Variants in SDK1 observed in about 807,000 individuals in gnomAD.
SDK1 encodes sidekick cell adhesion molecule 1.
SDK1 carries 157 observed loss-of-function variants against 245.5 expected under a neutral mutation model. The ratio of observed to expected loss-of-function variants is 0.64; its 90% CI spans 0.56 to 0.73. SDK1 has a LOEUF of 0.73. Ranked by LOEUF, SDK1 falls within the 30% of genes least tolerant of loss-of-function variation. The pLI, the probability that SDK1 is intolerant of heterozygous loss-of-function variation, is 0.00. For missense variants in SDK1, 3,583 were observed against 3,002.3 expected, an observed-to-expected ratio of 1.19 and a Z score of -4.52; for synonymous variants, 1,647 against 1,278.5, an observed-to-expected ratio of 1.29 and a Z score of -6.15.
chr7:3,457,596 T>C (rs1780711005), intron 1 of SDK1, among the ~76,000 whole-genome samples: 1 of 152,222 alleles, frequency 6.6e-6, no homozygotes, highest in African/African-American at 2.4e-5. Flanking sequence ...TCTATGTATT[T>C]ATGATTAGCT....
At chr7:3,307,517 A>G (rs1486507710) in intron 1 of SDK1, among the ~76,000 whole-genome samples, 1 of 152,190 alleles carries the variant, frequency 6.6e-6, no homozygotes, top group Admixed American at 6.5e-5. Context: ...TACAAAAATC[A>G]TGATTATTAT....
At chr7:4,195,310 G>A (rs1220474515) in intron 35 of SDK1, among the ~76,000 whole-genome samples, 1 of 152,158 alleles carries the variant, frequency 6.6e-6, no homozygotes, top group Non-Finnish European at 1.5e-5. Context: ...GTGGGTGCTC[G>A]CGTCCCCGGT....
intron 1 of SDK1, among the ~76,000 whole-genome samples, chr7:3,550,017 A>G (rs1384233617): frequency 1.3e-5 from 2 of 152,210 alleles, no homozygotes; most frequent in Non-Finnish European, 2.9e-5. Flanking sequence ...CCTATTAAAC[A>G]TTAGCACAGT....
intron 5 of SDK1, among the ~76,000 whole-genome samples, chr7:3,944,980 C>T (rs1327032682): frequency 6.6e-6 from 1 of 152,116 alleles, no homozygotes; most frequent in African/African-American, 2.4e-5. Context: ...GTATAAAGAA[C>T]AGTCTATGTT....
In SDK1 at chr7:3,800,185, T is replaced by C. The variant is rs1779070475; in HGVS notation, c.714-21265T>C. ...CTTCCAGCCTGTGTGTCTAATATTA[T>C]GGGGGAACACAAAACTTCCATTTCC... On this transcript the variant is annotated intron_variant, in intron 4 of 44. Transcript: ENST00000404826. 2.6e-5 allele frequency among the ~76,000 whole-genome samples: 4 copies of C among 152,234 alleles called. No individual in the cohort carries two copies. The South Asian group carries it at 8.3e-4, about 32-fold the overall frequency.
chr7:3,806,568 C>T (rs1421991262), intron 4 of SDK1, among the ~76,000 whole-genome samples: 1 of 152,222 alleles, frequency 6.6e-6, no homozygotes, highest in Non-Finnish European at 1.5e-5. Context: ...TGGTCCTTTG[C>T]AGAACTTCAC....
At chr7:3,423,513 G>A (rs567790422) in intron 1 of SDK1, among the ~76,000 whole-genome samples, 13 of 151,636 alleles carry the variant, frequency 8.6e-5, no homozygotes, top group African/African-American at 2.2e-4. Flanking sequence ...AAACAAATTC[G>A]GGAATGAGAG....
intron 5 of SDK1, among the ~76,000 whole-genome samples, chr7:3,858,884 A>G (rs1445120261): frequency 7.3e-6 from 1 of 136,148 alleles, no homozygotes; most frequent in Non-Finnish European, 1.5e-5. Flanking sequence ...TTTTTTTGAG[A>G]TAGAGTCTCA....
At chr7:4,027,106 T>G (rs1787417243) in intron 17 of SDK1, among the ~76,000 whole-genome samples, 1 of 152,228 alleles carries the variant, frequency 6.6e-6, no homozygotes, top group Non-Finnish European at 1.5e-5. Context: ...CCCCACTGGC[T>G]GCTCGGCTCC....
chr7:3,673,034 G>A (rs1369631692), intron 4 of SDK1, among the ~76,000 whole-genome samples: 1 of 151,248 alleles, frequency 6.6e-6, no homozygotes, highest in Non-Finnish European at 1.5e-5. Context: ...TAGCTATGAA[G>A]CAGCTCTTGC....
At chr7:3,983,053 T>C (rs1025716996) in intron 13 of SDK1, among the ~76,000 whole-genome samples, 5 of 152,150 alleles carry the variant, frequency 3.3e-5, no homozygotes, top group Non-Finnish European at 7.3e-5. Context: ...TGCAATCTCA[T>C]GATCAAACTT....
intron 1 of SDK1, among the ~76,000 whole-genome samples, chr7:3,483,445 A>T (rs927565829): frequency 3.3e-5 from 5 of 152,136 alleles, no homozygotes; most frequent in African/African-American, 1.2e-4. Context: ...CGCTTGCCAA[A>T]ATCCCTTACT....
intron 22 of SDK1, among the ~76,000 whole-genome samples, chr7:4,081,867 T>G (rs1781082011): frequency 6.6e-6 from 1 of 152,336 alleles, no homozygotes; most frequent in Admixed American, 6.5e-5. Flanking sequence ...TTGGCGTATT[T>G]TGAAGCATAT....
intron 22 of SDK1, among the ~76,000 whole-genome samples, chr7:4,090,131 G>A (rs1178759989): frequency 6.6e-6 from 1 of 152,154 alleles, no homozygotes; most frequent in Non-Finnish European, 1.5e-5. Context: ...ATGTCCCGTT[G>A]TTAGTCCAGT....
At chr7:4,116,776 C>T (rs1024713712) in intron 25 of SDK1, among the ~76,000 whole-genome samples, 5 of 152,200 alleles carry the variant, frequency 3.3e-5, no homozygotes, top group Admixed American at 1.3e-4. Context: ...GCTGTTAGGG[C>T]GTGGCGTGAA....
intron 1 of SDK1, among the ~76,000 whole-genome samples, chr7:3,377,361 T>C (rs2128565743): frequency 6.6e-6 from 1 of 152,252 alleles, no homozygotes; most frequent in East Asian, 1.9e-4. Context: ...AGGTTTTCTC[T>C]GTAGTTGTGT....
chr7:3,839,753 A>G (rs565190786), intron 5 of SDK1, among the ~76,000 whole-genome samples: 150 of 152,324 alleles, frequency 9.8e-4, no homozygotes, highest in African/African-American at 3.3e-3. Context: ...ACAATGTATA[A>G]TGATGTGTGA....
rs1422401078 is a variant in SDK1, at chr7:4,237,768, T to C, written c.6114T>C (p.Tyr2038=). The change falls in exon 42 of 45, where the codon TAT becomes TAC. Residue 2038 remains tyrosine (Y), a synonymous_variant. Transcript: ENST00000404826. ...ALVLHGQNKK[Y]KNCSTGKGIS... ...TCCTGCACGGGCAGAATAAGAAGTA[T>C]AAGAACTGCAGCACAGGTGCAGGTC... 1.2e-6 allele frequency: 2 copies of C among 1,614,168 alleles called. No homozygotes were observed. The highest frequency in any genetic ancestry group is 1.1e-5 in the South Asian group (1 of 91,082).
intron 28 of SDK1, among the ~76,000 whole-genome samples, chr7:4,141,746 G>C (rs113137797): frequency 0.026 from 3,887 of 152,234 alleles, 164 homozygotes; most frequent in African/African-American, 0.087. Flanking sequence ...TTCTCTTTTA[G>C]GGATAGGCAT....
Sources: gnomAD v4.1 joint callset for allele counts (sites outside exome capture counted in the v4.1 genomes callset) on GRCh38, gnomAD v4.1.1 for gene constraint, MANE v1.5 for transcripts, NCBI Gene and HGNC (gene_info 2026-07-23, HGNC 2026-07-21) for gene names.